AKR1C3: variants seen among roughly 807,000 people sequenced by gnomAD.
AKR1C3 encodes aldo-keto reductase family 1 member C3, also known as 3-alpha hydroxysteroid dehydrogenase, type II.
A neutral mutation model predicts 43.6 loss-of-function variants in AKR1C3; 48 were observed. That is an observed-to-expected ratio of 1.10 (90% CI 0.87 to 1.40). The LOEUF (loss-of-function observed/expected upper bound fraction) is 1.40. AKR1C3 is among the 40% of genes most tolerant of loss of function. AKR1C3 has a pLI of 0.00. For synonymous variants in AKR1C3, 162 were observed against 139.6 expected, an observed-to-expected ratio of 1.16 and a Z score of -1.13; for missense variants, 482 against 391.2, an observed-to-expected ratio of 1.23 and a Z score of -1.96.
upstream of AKR1C3, chr10:5,094,034 A>G (rs1839152599): frequency 6.5e-6 from 1 of 153,850 alleles, no homozygotes; most frequent in East Asian, 1.9e-4. Flanking sequence ...ATTATTTCAA[A>G]TGATGCAGTA....
chr10:5,106,736 A>G (rs1839509687), intron 8 of AKR1C3, among the ~76,000 whole-genome samples: 1 of 150,388 alleles, frequency 6.6e-6, no homozygotes, highest in African/African-American at 2.4e-5. Context: ...CCTGAATGAC[A>G]GAGTGAGGCT....
chr10:5,056,019 T>C (rs529385616), intron 1 of AKR1C3, among the ~76,000 whole-genome samples: 13 of 152,330 alleles, frequency 8.5e-5, no homozygotes, highest in African/African-American at 3.1e-4. Context: ...GTAGCAAAGC[T>C]GGGCCTTCAA....
chr10:5,057,608 C>T (rs1838289255), intron 1 of AKR1C3, among the ~76,000 whole-genome samples: 1 of 152,184 alleles, frequency 6.6e-6, no homozygotes, highest in South Asian at 2.1e-4. Context: ...TCATGGTGGA[C>T]ATCATTGAAT....
intron 1 of AKR1C3, among the ~76,000 whole-genome samples, chr10:5,083,838 G>C (rs1408076462): frequency 6.6e-6 from 1 of 152,164 alleles, no homozygotes; most frequent in African/African-American, 2.4e-5. Flanking sequence ...GTGATGATGA[G>C]CATTTTTTCA....
At chr10:5,050,943 G>A (rs1838140460) in intron 1 of AKR1C3, among the ~76,000 whole-genome samples, 1 of 152,196 alleles carries the variant, frequency 6.6e-6, no homozygotes, top group East Asian at 1.9e-4. Context: ...TTAGTGATGA[G>A]CGTATAACTT....
intron 6 of AKR1C3, 132 bp downstream of exon 6, chr10:5,102,342 G>A: frequency 1.3e-6 from 2 of 1,597,090 alleles, no homozygotes; most frequent in Non-Finnish European, 1.7e-6. Flanking sequence ...TTTCTGACGA[G>A]ATCTTGGATG....
intron 1 of AKR1C3, among the ~76,000 whole-genome samples, chr10:5,074,290 A>C (rs1554781600): frequency 6.6e-6 from 1 of 152,176 alleles, no homozygotes; most frequent in African/African-American, 2.4e-5. Context: ...TATTGGCAAA[A>C]TAAACTCTCT....
rs79257229 is a variant in AKR1C3, at chr10:5,069,361, G to T, written c.84+20466G>T. On this transcript the variant is annotated intron_variant, in intron 1 of 8. Transcript: ENST00000439082. Reference sequence around the variant, plus strand: ...AAGAAATTAGGCAGAGAGAGAAATAGAACTCAAATTCTATTTATGAAAGTA... The same window carrying T: ...AAGAAATTAGGCAGAGAGAGAAATATAACTCAAATTCTATTTATGAAAGTA... Among the ~76,000 whole-genome samples the T allele has an allele frequency of 7.8e-3, 1,192 of 152,274 alleles. 19 individuals are homozygous for T. The highest frequency in any genetic ancestry group is 0.027 in the African/African-American group (1,133 of 41,556).
intron 1 of AKR1C3, among the ~76,000 whole-genome samples, chr10:5,062,182 A>C (rs1359147592): frequency 6.6e-6 from 1 of 152,214 alleles, no homozygotes; most frequent in East Asian, 1.9e-4. Flanking sequence ...TGACCTGGGC[A>C]CACTAACACT....
intron 1 of AKR1C3, among the ~76,000 whole-genome samples, chr10:5,074,924 C>T (rs1419564951): frequency 6.6e-6 from 1 of 152,184 alleles, no homozygotes; most frequent in Admixed American, 6.5e-5. Context: ...TATTTTTCCT[C>T]TGCCCCCTGT....
intron 3 of AKR1C3, 143 bp downstream of exon 3, chr10:5,097,693 C>A: frequency 6.6e-7 from 1 of 1,511,338 alleles, no homozygotes; most frequent in East Asian, 2.5e-5. Context: ...CACCTAATTT[C>A]CTTTCTTTCG....
intron 1 of AKR1C3, among the ~76,000 whole-genome samples, chr10:5,061,651 A>G (rs868963926): frequency 6.6e-6 from 1 of 152,230 alleles, no homozygotes; most frequent in Admixed American, 6.5e-5. Context: ...GCTGAGAGTC[A>G]GGCCTGGACC....
intron 1 of AKR1C3, among the ~76,000 whole-genome samples, chr10:5,071,155 G>T (rs1291403142): frequency 6.6e-6 from 1 of 152,178 alleles, no homozygotes; most frequent in Non-Finnish European, 1.5e-5. Context: ...ACTGTAACTG[G>T]CTGGTTCTTA....
intron 1 of AKR1C3, among the ~76,000 whole-genome samples, chr10:5,083,263 T>C (rs1334729796): frequency 1.3e-5 from 2 of 151,736 alleles, no homozygotes; most frequent in African/African-American, 4.8e-5. Context: ...GAGTGTGATG[T>C]TCCCCTTCCT....
At position 5,063,765 on chromosome 10, in the gene AKR1C3, C is replaced by CAAA. The variant is rs71391987; in HGVS notation, c.84+14892_84+14894dup. ...AGGACAGAGGTAGTCTCTGTCTCAG[C>CAAA]AAAAAAAAAAAAAAAAAAAAAAAAG... is the stretch of plus-strand genomic sequence containing the variant. On this transcript the variant is annotated intron_variant, in intron 1 of 8. Transcript: ENST00000439082. 2.2e-3 allele frequency among the ~76,000 whole-genome samples: 102 copies of CAAA among 46,386 alleles called. 5 individuals carry two copies. Among genetic ancestry groups the CAAA allele is most frequent in the South Asian group, 3.7e-3 (4 of 1,088 alleles). The allele number at this position is 46,386 out of a possible 152,430, so 30.4% of individuals were successfully genotyped here.
chr10:5,096,446 G>T lies in AKR1C3; in HGVS notation c.121G>T (p.Ala41Ser). 1 of 1,613,630 alleles carries T rather than the reference G, an allele frequency of 6.2e-7. No homozygotes were observed. The highest frequency in any genetic ancestry group is 8.5e-7 in the Non-Finnish European group (1 of 1,179,636). The change falls in exon 2 of 9, where the codon GCA (alanine) becomes TCA (serine). Residue 41 changes from alanine (A) to serine (S), a missense_variant. Coordinates refer to ENST00000380554, the MANE Select transcript of AKR1C3 (RefSeq NM_003739.6). ...TAAAGCTTTGGAGGTCACAAAATTA[G>T]CAATAGAAGCTGGGTTCCGCCATAT... ...RSKALEVTKL[A>S]IEAGFRHIDS...
chr10:5,072,713 A>T (rs1554781428), intron 1 of AKR1C3, among the ~76,000 whole-genome samples: 1 of 152,174 alleles, frequency 6.6e-6, no homozygotes, highest in South Asian at 2.1e-4. Context: ...ACAGAAGGAT[A>T]CCCCAATTAC....
chr10:5,107,683 ATAATTGAAT>A (rs1340819674), exon 9 of AKR1C3: 1 of 556,422 alleles, frequency 1.8e-6, no homozygotes, highest in African/African-American at 2.0e-5. Context: ...TCATTTTGAA[ATAATTGAAT>A]GTTTTCTCAA....
chr10:5,087,147 A>G (rs545231943), intron 1 of AKR1C3, among the ~76,000 whole-genome samples: 1 of 152,126 alleles, frequency 6.6e-6, no homozygotes, highest in Non-Finnish European at 1.5e-5. Flanking sequence ...TAGTTGATGC[A>G]GTTTCTTCCT....
Sources: gnomAD v4.1 joint callset for allele counts (sites outside exome capture counted in the v4.1 genomes callset) on GRCh38, gnomAD v4.1.1 for gene constraint, MANE v1.5 for transcripts, NCBI Gene and HGNC (gene_info 2026-07-23, HGNC 2026-07-21) for gene names.